CCDC110: variants seen among roughly 807,000 people sequenced by gnomAD.
The protein encoded by CCDC110 is coiled-coil domain containing 110.
In CCDC110, 70 loss-of-function variants were observed where a neutral mutation model predicts 77.1. The ratio of observed to expected loss-of-function variants is 0.91; its 90% CI spans 0.75 to 1.11. CCDC110 has a LOEUF of 1.11. Among genes scored for constraint, CCDC110 ranks in the 50% least tolerant of loss-of-function variants. The probability of loss-of-function intolerance (pLI) is 0.00; values close to 1 mark genes in which losing one functional copy is unlikely to be tolerated. For missense variants in CCDC110, 868 were observed against 942.9 expected, an observed-to-expected ratio of 0.92 and a Z score of 1.04; for synonymous variants, 295 against 312.5, an observed-to-expected ratio of 0.94 and a Z score of 0.59.
At chr4:185,454,017 C>T (rs1580173130) in intron 6 of CCDC110, among the ~76,000 whole-genome samples, 1 of 151,932 alleles carries the variant, frequency 6.6e-6, no homozygotes, top group African/African-American at 2.4e-5. Flanking sequence ...GGGGTTTCAC[C>T]ATGTTGGTCA....
intron 2 of CCDC110, among the ~76,000 whole-genome samples, chr4:185,467,049 T>C (rs2095657584): frequency 6.6e-6 from 1 of 152,144 alleles, no homozygotes; most frequent in African/African-American, 2.4e-5. Context: ...ATGTTATGAG[T>C]GGAGCGGCCA....
At chr4:185,457,801 G>A in intron 6 of CCDC110, 1 of 1,426,792 alleles carries the variant, frequency 7.0e-7, no homozygotes, top group Non-Finnish European at 9.3e-7. Context: ...AAATGATACA[G>A]TTTACTTGGA....
chr4:185,467,590 C>T (rs1307876504), intron 2 of CCDC110, among the ~76,000 whole-genome samples: 1 of 152,144 alleles, frequency 6.6e-6, no homozygotes, highest in African/African-American at 2.4e-5. Flanking sequence ...TCATATTCAA[C>T]TTAAATTTTC....
chr4:185,455,811 A>G (rs912205636), intron 6 of CCDC110, among the ~76,000 whole-genome samples: 2 of 152,086 alleles, frequency 1.3e-5, no homozygotes, highest in African/African-American at 4.8e-5. Context: ...GGAACCCAGG[A>G]GGTGGAGGTT....
In CCDC110 at chr4:185,459,507, T is replaced by G. The variant is rs765876892; in HGVS notation, c.1080A>C (p.Glu360Asp). Residue 360 changes from glutamate to aspartate, a missense_variant, in exon 6 of 7, where the codon GAA (glutamate) becomes GAC (aspartate). By Grantham distance (45) the Glu-to-Asp change is conservative. Coordinates refer to ENST00000307588, the MANE Select transcript of CCDC110 (RefSeq NM_152775.4). ...TAATATTTTTGCCAGTGATGGGAATTTCTTTATTGTTTTTCTCATTTTTCT... is the reference window on the plus strand; with the variant it reads ...TAATATTTTTGCCAGTGATGGGAATGTCTTTATTGTTTTTCTCATTTTTCT... The part of the protein sequence containing the change: ...RGKKNEKNNK[E>D]IPITGKNITD... The G allele has an allele frequency of 1.9e-6, 3 of 1,613,266 alleles. No homozygotes were observed. The highest frequency in any genetic ancestry group is 2.5e-6 in the Non-Finnish European group (3 of 1,179,636).
At chr4:185,467,762 C>T (rs577897696) in intron 2 of CCDC110, among the ~76,000 whole-genome samples, 1 of 152,344 alleles carries the variant, frequency 6.6e-6, no homozygotes, top group African/African-American at 2.4e-5. Flanking sequence ...GGAACCAATA[C>T]ATTCTGAAAA....
At chr4:185,466,753 T>C (rs963751549) in intron 2 of CCDC110, among the ~76,000 whole-genome samples, 1 of 151,996 alleles carries the variant, frequency 6.6e-6, no homozygotes, top group African/African-American at 2.4e-5. Context: ...GAATTTTTTT[T>C]TTTTTAAACC....
intron 1 of CCDC110, 162 bp downstream of exon 1, chr4:185,471,512 C>T (rs934562936): frequency 1.4e-6 from 1 of 694,892 alleles, no homozygotes. Context: ...GGGGCCGCAG[C>T]GGGTGCTCAG....
At chr4:185,450,742 T>TGA in intron 6 of CCDC110, among the ~76,000 whole-genome samples, 1 of 136,466 alleles carries the variant, frequency 7.3e-6, no homozygotes, top group South Asian at 2.5e-4. Context: ...AGACTCTGTC[T>TGA]AAAAAAAAAA....
chr4:185,462,527 G>T, intron 4 of CCDC110, 116 bp downstream of exon 4: 1 of 748,350 alleles, frequency 1.3e-6, no homozygotes, highest in South Asian at 1.7e-5. Context: ...ATATGCTGTG[G>T]CCTCTATTAT....
At chr4:185,456,046 G>A (rs182524224) in intron 6 of CCDC110, among the ~76,000 whole-genome samples, 17 of 152,134 alleles carry the variant, frequency 1.1e-4, no homozygotes, top group South Asian at 6.2e-4. Flanking sequence ...TGTCAACCAC[G>A]TTTACTCAGT....
At chr4:185,467,619 G>A (rs1465938388) in intron 2 of CCDC110, among the ~76,000 whole-genome samples, 1 of 152,102 alleles carries the variant, frequency 6.6e-6, no homozygotes, top group Non-Finnish European at 1.5e-5. Context: ...TCATATTTCT[G>A]TCAAAAGTGA....
intron 6 of CCDC110, among the ~76,000 whole-genome samples, chr4:185,454,535 G>A (rs988281984): frequency 2.0e-5 from 3 of 151,892 alleles, no homozygotes; most frequent in Admixed American, 2.0e-4. Flanking sequence ...CCAACATAGT[G>A]AAACCTCATC....
chr4:185,450,486 C>T (rs1396475808), intron 6 of CCDC110, among the ~76,000 whole-genome samples: 2 of 152,174 alleles, frequency 1.3e-5, no homozygotes, highest in African/African-American at 2.4e-5. Flanking sequence ...CGGTGGCTCA[C>T]GCCTGAAATC....
chr4:185,460,015 G>A lies in CCDC110; in HGVS notation c.572C>T (p.Ser191Phe). The A allele has an allele frequency of 6.2e-7, 1 of 1,613,104 alleles. No individual in the cohort carries two copies. The highest frequency in any genetic ancestry group is 8.5e-7 in the Non-Finnish European group (1 of 1,179,442). ...GTTATTATAATTCTTCAAGATGTCA[G>A]AATTTTCTGAAGGGTGTATAATTAT... ...SNIIIHPSEN[S>F]DILKNYNNFY... is the part of the protein sequence containing the mutation. Residue 191 changes from serine (S) to phenylalanine (F), a missense_variant, in exon 6 of 7, where the codon TCT becomes TTT. By Grantham distance (155) the Ser-to-Phe change is radical. Transcript: ENST00000307588.
rs2095661040 is a variant in CCDC110 at position 185,468,998 on chromosome 4, C to T, written c.115+1947G>A. On this transcript the variant is annotated intron_variant, in intron 2 of 6. Coordinates refer to ENST00000307588, the MANE Select transcript of CCDC110 (RefSeq NM_152775.4). This position sits in a 1 kb window ranked among gnomAD's most constrained non-coding sequence, Gnocchi z 4.5. Reference sequence around the variant, plus strand: ...GAATGAATGAATGAAAGCTCGGGTACAACAGGGTGCTGGGAACAACACCCT... The same window carrying T: ...GAATGAATGAATGAAAGCTCGGGTATAACAGGGTGCTGGGAACAACACCCT... Among the ~76,000 whole-genome samples the T allele has an allele frequency of 1.3e-5, 2 of 152,238 alleles. No individual in the cohort carries two copies. Among genetic ancestry groups the T allele is most frequent in the African/African-American group, 4.8e-5 (2 of 41,466 alleles).
At chr4:185,449,691 ACTATCAAGAG>A in intron 6 of CCDC110, 1 of 1,295,490 alleles carries the variant, frequency 7.7e-7, no homozygotes, top group East Asian at 2.6e-5. Context: ...TGAGTAATTC[ACTATCAAGAG>A]CTAATTATTT....
At chr4:185,453,562 T>TC (rs1245502152) in intron 6 of CCDC110, among the ~76,000 whole-genome samples, 1 of 139,748 alleles carries the variant, frequency 7.2e-6, no homozygotes. Flanking sequence ...TTTTTTTTTT[T>TC]CCCGAGACAG....
At chr4:185,467,773 T>C (rs1243658000) in intron 2 of CCDC110, among the ~76,000 whole-genome samples, 1 of 152,182 alleles carries the variant, frequency 6.6e-6, no homozygotes, top group Non-Finnish European at 1.5e-5. Flanking sequence ...ATTCTGAAAA[T>C]GCAACAGGGT....
Sources: gnomAD v4.1 joint callset for allele counts (sites outside exome capture counted in the v4.1 genomes callset) on GRCh38, gnomAD v4.1.1 for gene constraint, Gnocchi (gnomAD v3.1) non-coding constraint, MANE v1.5 for transcripts, NCBI Gene and HGNC (gene_info 2026-07-23, HGNC 2026-07-21) for gene names.